Variants in KCMF1 observed in about 807,000 individuals in gnomAD.
KCMF1 encodes the protein potassium channel modulatory factor 1.
In KCMF1, 3 loss-of-function variants were observed where a neutral mutation model predicts 41.1. The observed-to-expected ratio is 0.07, with a 90% CI of 0.03 to 0.19. KCMF1 has a LOEUF of 0.19. Ranked by LOEUF, KCMF1 falls within the 10% of genes least tolerant of loss-of-function variation. The pLI is 1.00. For synonymous variants in KCMF1, 142 were observed against 164.5 expected (o/e 0.86, Z 1.04); for missense variants, 286 against 488.9 (o/e 0.58, Z 3.91).
intron 1 of KCMF1, among the ~76,000 whole-genome samples, chr2:84,997,115 G>C (rs1674195440): frequency 6.6e-6 from 1 of 152,182 alleles, no homozygotes; most frequent in Non-Finnish European, 1.5e-5. Flanking sequence ...GTTGATTTAA[G>C]TGTTGTGCAT....
intron 1 of KCMF1, among the ~76,000 whole-genome samples, chr2:85,023,138 C>T (rs144587231): frequency 0.021 from 3,160 of 151,864 alleles, 43 homozygotes; most frequent in Non-Finnish European, 0.03. Context: ...CCGCCCGCCT[C>T]GGCCTCCCAA....
chr2:84,994,785 C>A (rs1349230719), intron 1 of KCMF1, among the ~76,000 whole-genome samples: 1 of 152,178 alleles, frequency 6.6e-6, no homozygotes, highest in East Asian at 1.9e-4. Flanking sequence ...TTGTTAAAAT[C>A]AGGATCCAGA....
chr2:85,008,256 T>TATATATAATATATAATATATAATATG (rs1674524767), intron 1 of KCMF1, among the ~76,000 whole-genome samples: 7 of 94,228 alleles, frequency 7.4e-5, no homozygotes, highest in South Asian at 3.0e-4. Flanking sequence ...TGATATATAT[T>TATATATAATATATAATATATAATATG]ATATATCATA....
intron 1 of KCMF1, among the ~76,000 whole-genome samples, chr2:85,025,956 A>G (rs1457111117): frequency 6.6e-6 from 1 of 152,058 alleles, no homozygotes; most frequent in Non-Finnish European, 1.5e-5. Context: ...GAATAAAACT[A>G]TGAAACCCAC....
intron 1 of KCMF1, among the ~76,000 whole-genome samples, chr2:85,008,262 T>TTATATATAATATATAATATGATATATAA (rs1674525717): frequency 9.0e-6 from 1 of 110,582 alleles, no homozygotes; most frequent in Non-Finnish European, 1.8e-5. Context: ...ATATTATATA[T>TTATATATAATATATAATATGATATATAA]CATATATAAT....
At chr2:84,988,944 T>G (rs1015881323) in intron 1 of KCMF1, among the ~76,000 whole-genome samples, 1 of 152,166 alleles carries the variant, frequency 6.6e-6, no homozygotes, top group African/African-American at 2.4e-5. Flanking sequence ...CTGGTAAATC[T>G]TTATGGGCAC....
intron 1 of KCMF1, among the ~76,000 whole-genome samples, chr2:85,009,369 A>G (rs532165005): frequency 6.6e-6 from 1 of 152,274 alleles, no homozygotes; most frequent in East Asian, 1.9e-4. Context: ...TCTCTTCTTC[A>G]TAAATTACCC....
At chr2:85,044,421 C>T (rs1201273331) in intron 4 of KCMF1, among the ~76,000 whole-genome samples, 3 of 152,040 alleles carry the variant, frequency 2.0e-5, no homozygotes, top group Non-Finnish European at 4.4e-5. Flanking sequence ...GTCAGCCAGG[C>T]TGGAGTACAA....
At chr2:84,974,679 ATATATATATATATTTTTTTTTTTTTT>A (rs1487256076) in intron 1 of KCMF1, among the ~76,000 whole-genome samples, 7 of 36,334 alleles carry the variant, frequency 1.9e-4, no homozygotes, top group African/African-American at 6.4e-4. Flanking sequence ...ATATATATAT[ATATATATATATATTTTTTTTTTTTTT>A]TTTTTTTTTT....
intron 1 of KCMF1, among the ~76,000 whole-genome samples, chr2:85,020,127 A>G (rs1674894174): frequency 1.3e-5 from 2 of 152,264 alleles, no homozygotes; most frequent in South Asian, 4.1e-4. Context: ...TTACTGAAAG[A>G]TAAGAGTGTC....
intron 1 of KCMF1, among the ~76,000 whole-genome samples, chr2:85,010,388 G>A (rs1430285373): frequency 6.6e-6 from 1 of 152,142 alleles, no homozygotes. Flanking sequence ...AGAATTGCTT[G>A]AACCAGGGCA....
chr2:85,045,388 A>G (rs1158005187), intron 4 of KCMF1, among the ~76,000 whole-genome samples: 1 of 152,180 alleles, frequency 6.6e-6, no homozygotes, highest in Admixed American at 6.5e-5. Context: ...TCTTGGAGCT[A>G]CCCATCCGGT....
chr2:85,013,669 G>A (rs982642879), intron 1 of KCMF1, among the ~76,000 whole-genome samples: 6 of 151,928 alleles, frequency 3.9e-5, no homozygotes, highest in East Asian at 1.9e-4. Flanking sequence ...ATGGTGGCAC[G>A]CACTTGTAAT....
intron 1 of KCMF1, among the ~76,000 whole-genome samples, chr2:85,008,307 T>TATATCATATATA (rs1475134926): frequency 1.3e-5 from 1 of 76,610 alleles, no homozygotes; most frequent in Non-Finnish European, 2.4e-5. Context: ...TAATATATAA[T>TATATCATATATA]ATGATATATA....
Position 85,027,223 on chromosome 2 carries a change from C to CT in KCMF1, c.17-663dup, listed in dbSNP as rs368900840. ...GTTAATTATCCCACCTTCACTAGGCCTTTGTCCAATAATGCTGTGGACCTT... is the reference window on the plus strand; with the variant it reads ...GTTAATTATCCCACCTTCACTAGGCCTTTTGTCCAATAATGCTGTGGACCTT... On this transcript the variant is annotated intron_variant, in intron 1 of 6. Transcript: ENST00000409785. Among the ~76,000 whole-genome samples the CT allele has an allele frequency of 2.3e-3, 343 of 152,284 alleles. 1 individual carries two copies. The highest frequency in any genetic ancestry group is 7.6e-3 in the African/African-American group (317 of 41,562).
At chr2:85,028,787 C>T (rs542596883) in intron 2 of KCMF1, among the ~76,000 whole-genome samples, 1 of 152,000 alleles carries the variant, frequency 6.6e-6, no homozygotes, top group East Asian at 1.9e-4. Flanking sequence ...CGCGCCCGGC[C>T]TTACTTTTTA....
At chr2:85,052,972 T>C (rs914941934) in intron 6 of KCMF1, among the ~76,000 whole-genome samples, 176 bp from the exon 7 acceptor site, 2 of 152,090 alleles carry the variant, frequency 1.3e-5, no homozygotes, top group South Asian at 4.1e-4. Flanking sequence ...TTGCAACAAG[T>C]GTGGGGAATT....
chr2:84,971,492 C>T, intron 1 of KCMF1, 25 bp downstream of exon 1: 1 of 1,229,876 alleles, frequency 8.1e-7, no homozygotes, highest in Non-Finnish European at 1.0e-6. Context: ...CGCCCCCACC[C>T]GCACCTCCCG....
At position 85,056,582 on chromosome 2, in the gene KCMF1, G is replaced by C. The variant is rs995243887; in HGVS notation, c.*3173G>C. On this transcript the variant is annotated 3_prime_UTR_variant, in exon 7 of 7. Coordinates refer to ENST00000409785, the MANE Select transcript of KCMF1 (RefSeq NM_020122.5). The stretch of plus-strand genomic sequence containing the variant: ...TCTAGTTAAGGACAAAGTGGGTTGG[G>C]GGGTAGAAGGAGAATACTAGAGAGG... 6.6e-6 allele frequency: 1 copy of C among 152,232 alleles called. No individual in the cohort carries two copies. Among genetic ancestry groups the C allele is most frequent in the African/African-American group, 2.4e-5 (1 of 41,442 alleles). 9.4% of individuals were successfully genotyped at this position (152,232 alleles called of 1,614,324 possible).
Sources: gnomAD v4.1 joint callset for allele counts (sites outside exome capture counted in the v4.1 genomes callset) on GRCh38, gnomAD v4.1.1 for gene constraint, MANE v1.5 for transcripts, NCBI Gene and HGNC (gene_info 2026-07-23, HGNC 2026-07-21) for gene names.